The following VAV2 variants were observed in gnomAD, a reference collection of about 807,000 sequenced individuals.
VAV2 encodes the protein guanine nucleotide exchange factor VAV2.
A neutral mutation model predicts 132.5 loss-of-function variants in VAV2; 67 were observed. The ratio of observed to expected loss-of-function variants is 0.51; its 90% CI spans 0.42 to 0.62. The LOEUF (loss-of-function observed/expected upper bound fraction) is 0.62, where lower values mean the gene tolerates loss of function less well. Among genes scored for constraint, VAV2 ranks in the 20% least tolerant of loss-of-function variants. The pLI is 0.00. For synonymous variants in VAV2, 492 were observed against 443.5 expected (o/e 1.11, Z -1.37); for missense variants, 938 against 1,153.6 (o/e 0.81, Z 2.71).
chr9:133,772,747 C>T (rs1039889035), intron 25 of VAV2, among the ~76,000 whole-genome samples: 4 of 152,200 alleles, frequency 2.6e-5, no homozygotes, highest in African/African-American at 9.6e-5. Flanking sequence ...AGTCAGGCGG[C>T]GTTTAACCAG....
chr9:133,872,751 C>T (rs1838108867), intron 2 of VAV2, among the ~76,000 whole-genome samples: 1 of 152,146 alleles, frequency 6.6e-6, no homozygotes, highest in African/African-American at 2.4e-5. Flanking sequence ...GCGGCCACTC[C>T]AACCATGGGG....
chr9:133,784,230 C>G (rs1289391936), intron 18 of VAV2, 87 bp downstream of exon 18: 1 of 1,427,634 alleles, frequency 7.0e-7, no homozygotes, highest in African/African-American at 1.4e-5. Flanking sequence ...CCACAGGGAA[C>G]ATGGGACAGA....
At chr9:133,792,678 A>AC (rs199592841) in intron 12 of VAV2, among the ~76,000 whole-genome samples, 5,796 of 118,178 alleles carry the variant, frequency 0.049, 123 homozygotes, top group African/African-American at 0.072. Context: ...CCCCCAAGGG[A>AC]CCCCCCCCCC....
At chr9:133,864,422 G>A (rs1419063299) in intron 2 of VAV2, among the ~76,000 whole-genome samples, 1 of 152,238 alleles carries the variant, frequency 6.6e-6, no homozygotes, top group African/African-American at 2.4e-5. Context: ...GAGGAACGAG[G>A]TGGGGACTGG....
In VAV2 at chr9:133,806,124, C is replaced by G; in HGVS notation, c.793G>C (p.Gly265Arg). ...LRAIDVSVMV[G>R]GSTLAKVFLD... is the part of the protein sequence containing the mutation. ...AAGACCTTGGCCAGCGTGCTGCCCCCCACCATCACGGACACGTCGATGGCC... is the reference window on the plus strand; with the variant it reads ...AAGACCTTGGCCAGCGTGCTGCCCCGCACCATCACGGACACGTCGATGGCC... The change falls in exon 9 of 30, where the codon GGG (glycine) becomes CGG (arginine). Residue 265 changes from glycine (G) to arginine (R), a missense_variant. By Grantham distance (125) the Gly-to-Arg change is moderately radical. Coordinates refer to ENST00000371850, the MANE Select transcript of VAV2 (RefSeq NM_001134398.2). The G allele has an allele frequency of 3.7e-6, 6 of 1,613,070 alleles. No homozygotes were observed. Among genetic ancestry groups the G allele is most frequent in the Non-Finnish European group, 5.1e-6 (6 of 1,179,986 alleles).
rs1047322755 is a variant in VAV2, at chr9:133,934,405, C to G, written c.321+4698G>C. ...ACTGGATGAAGGAACACCTGGAGAA[C>G]CGGGGAAGCATTGTTTCTGGGTGTG... On this transcript the variant is annotated intron_variant, in intron 2 of 29. Transcript: ENST00000371850. 1.4e-4 allele frequency among the ~76,000 whole-genome samples: 22 copies of G among 152,326 alleles called. 1 individual carries two copies. The highest frequency in any genetic ancestry group is 1.4e-3 in the Admixed American group (21 of 15,302).
At chr9:133,831,411 G>C (rs532837893) in intron 4 of VAV2, among the ~76,000 whole-genome samples, 2 of 151,890 alleles carry the variant, frequency 1.3e-5, no homozygotes, top group Non-Finnish European at 2.9e-5. Flanking sequence ...ACTCCAGCCT[G>C]GGTGACAAGA....
Position 133,933,441 on chromosome 9 carries a change from ATGGATGGATGAATGGATGGG to A in VAV2, c.321+5642_321+5661del, listed in dbSNP as rs1420086366. ...TAATGAATGGGTGGATGAATGGTGG[ATGGATGGATGAATGGATGGG>A]TGGATGGATGAATGGATGAGTGGAT... On this transcript the variant is annotated intron_variant, in intron 2 of 29. Coordinates refer to ENST00000371850, the MANE Select transcript of VAV2 (RefSeq NM_001134398.2). Among the ~76,000 whole-genome samples the A allele has an allele frequency of 9.8e-3, 1,486 of 151,158 alleles. 26 individuals carry two copies. Among genetic ancestry groups the A allele is most frequent in the African/African-American group, 0.034 (1,381 of 41,104 alleles).
chr9:133,767,160 G>C (rs561655996), intron 29 of VAV2, among the ~76,000 whole-genome samples: 1 of 152,078 alleles, frequency 6.6e-6, no homozygotes, highest in Non-Finnish European at 1.5e-5. Context: ...ATGTAAATGG[G>C]CTATATATGC....
rs574596769 is a variant in VAV2 at position 133,912,391 on chromosome 9, G to A, written c.321+26712C>T. On this transcript the variant is annotated intron_variant, in intron 2 of 29. Coordinates refer to ENST00000371850, the MANE Select transcript of VAV2 (RefSeq NM_001134398.2). The surrounding 1 kb of genome is among the most constrained non-coding windows in gnomAD (Gnocchi z 4.3). ...ATCCCCACAGTCCTGCCACACAAAC[G>A]AGCCGGAGGCTTCTGGAGGACAGTG... Among the ~76,000 whole-genome samples the A allele has an allele frequency of 1.2e-4, 19 of 152,306 alleles. No individual in the cohort carries two copies. The highest frequency in any genetic ancestry group is 3.8e-4 in the African/African-American group (16 of 41,564).
At chr9:133,886,407 G>A (rs556141464) in intron 2 of VAV2, among the ~76,000 whole-genome samples, 21 of 152,318 alleles carry the variant, frequency 1.4e-4, no homozygotes, top group African/African-American at 2.2e-4. Context: ...CCTGCTGAAG[G>A]TCACCCAGCT....
chr9:133,843,296 C>T (rs763276025), intron 3 of VAV2, among the ~76,000 whole-genome samples: 4 of 152,184 alleles, frequency 2.6e-5, no homozygotes, highest in Non-Finnish European at 5.9e-5. Flanking sequence ...AAGGGCTTCT[C>T]GCAGGTGGCG....
chr9:133,795,646 C>T, intron 12 of VAV2, 22 bp downstream of exon 12: 1 of 1,613,804 alleles, frequency 6.2e-7, no homozygotes, highest in South Asian at 1.1e-5. Context: ...GGCTTCTCCC[C>T]TGCCTCAGTT....
Position 133,961,805 on chromosome 9 carries a change from AC to A in VAV2, c.205-22587del, listed in dbSNP as rs1841974589. ...TTGCATGATGTACACCAGGGAGCCC[AC>A]AGGAGCAGAGTGGCCCCTCGTTCTG... is the stretch of plus-strand genomic sequence containing the variant. On this transcript the variant is annotated intron_variant, in intron 1 of 29. Coordinates refer to ENST00000371850, the MANE Select transcript of VAV2 (RefSeq NM_001134398.2). The surrounding 1 kb of genome is among the most constrained non-coding windows in gnomAD (Gnocchi z 4.1). Among the ~76,000 whole-genome samples, 1 of 152,172 alleles carries A rather than the reference AC, an allele frequency of 6.6e-6. No homozygotes were observed. The highest frequency in any genetic ancestry group is 1.5e-5 in the Non-Finnish European group (1 of 68,014).
intron 2 of VAV2, among the ~76,000 whole-genome samples, chr9:133,890,084 G>C (rs766856112): frequency 6.6e-6 from 1 of 152,176 alleles, no homozygotes; most frequent in Non-Finnish European, 1.5e-5. Flanking sequence ...ATGGTGACTC[G>C]CAGGGGCTGA....
chr9:133,783,928 T>G (rs1834115970), intron 18 of VAV2, among the ~76,000 whole-genome samples: 1 of 135,176 alleles, frequency 7.4e-6, no homozygotes, highest in African/African-American at 2.8e-5. Flanking sequence ...TCACCCAGGC[T>G]GGAGTGCAGT....
intron 2 of VAV2, among the ~76,000 whole-genome samples, chr9:133,900,763 C>CTGATTTATTTATTTA (rs202112614): frequency 2.9e-5 from 4 of 136,600 alleles, no homozygotes; most frequent in South Asian, 2.4e-4. Context: ...TACCTCCTGT[C>CTGATTTATTTATTTA]TTGATTTATT....
chr9:133,865,645 T>C (rs1837767561), intron 2 of VAV2, among the ~76,000 whole-genome samples: 1 of 152,262 alleles, frequency 6.6e-6, no homozygotes, highest in Non-Finnish European at 1.5e-5. Flanking sequence ...CTGTTCCTTT[T>C]TTCCGAGAAT....
chr9:133,809,906 C>A (rs1232525580), intron 6 of VAV2, among the ~76,000 whole-genome samples: 5 of 152,236 alleles, frequency 3.3e-5, no homozygotes, highest in Admixed American at 2.0e-4. Flanking sequence ...CTGTGACCCA[C>A]AGCGCTCGTG....
Sources: gnomAD v4.1 joint callset for allele counts (sites outside exome capture counted in the v4.1 genomes callset) on GRCh38, gnomAD v4.1.1 for gene constraint, Gnocchi (gnomAD v3.1) non-coding constraint, MANE v1.5 for transcripts, NCBI Gene and HGNC (gene_info 2026-07-23, HGNC 2026-07-21) for gene names.